TAFA2: variants seen among roughly 807,000 people sequenced by gnomAD.
TAFA2 encodes chemokine-like protein TAFA-2.
Under a neutral mutation model 18.8 loss-of-function variants are expected in TAFA2, and 7 were observed. That is an observed-to-expected ratio of 0.37 (90% CI 0.21 to 0.70). TAFA2 has a LOEUF of 0.70. Among genes scored for constraint, TAFA2 ranks in the 30% least tolerant of loss-of-function variants. The pLI, the probability that TAFA2 is intolerant of heterozygous loss-of-function variation, is 0.53. For synonymous variants in TAFA2, 60 were observed against 54.2 expected (o/e 1.11, Z -0.47); for missense variants, 122 against 158.1 (o/e 0.77, Z 1.23).
chr12:62,218,498 A>G (rs2136977173), intron 1 of TAFA2, among the ~76,000 whole-genome samples: 1 of 152,348 alleles, frequency 6.6e-6, no homozygotes, highest in African/African-American at 2.4e-5. Context: ...TTTGCTATTC[A>G]GCAAAGAAAA....
chr12:62,251,407 G>A (rs2062913195), intron 1 of TAFA2, among the ~76,000 whole-genome samples: 1 of 152,114 alleles, frequency 6.6e-6, no homozygotes, highest in African/African-American at 2.4e-5. Flanking sequence ...GAAATAGAGA[G>A]TTTAGAAATA....
intron 2 of TAFA2, among the ~76,000 whole-genome samples, chr12:61,760,336 G>A (rs1328516369): frequency 9.1e-6 from 1 of 110,240 alleles, no homozygotes; most frequent in African/African-American, 3.4e-5. Context: ...AAACTTTGAA[G>A]GCATTGGCAT....
In TAFA2 at chr12:61,737,588, TA is replaced by T. The variant is rs539404908; in HGVS notation, c.384+16033del. 3.3e-3 allele frequency among the ~76,000 whole-genome samples: 477 copies of T among 144,846 alleles called. 4 individuals carry two copies. The highest frequency in any genetic ancestry group is 9.4e-3 in the African/African-American group (375 of 39,936). ...TAATTGTGTGGCCCTGTTATTTCAC[TA>T]AAAAAAAAAACTTAGTTTCCTTACC... On this transcript the variant is annotated intron_variant, in intron 4 of 4. Coordinates refer to ENST00000416284, the MANE Select transcript of TAFA2 (RefSeq NM_178539.5).
intron 1 of TAFA2, among the ~76,000 whole-genome samples, chr12:62,247,239 T>C (rs1158205314): frequency 6.6e-6 from 1 of 152,230 alleles, no homozygotes; most frequent in Non-Finnish European, 1.5e-5. Context: ...CTGATACTTC[T>C]ATCTTATGTA....
intron 4 of TAFA2, among the ~76,000 whole-genome samples, chr12:61,733,007 T>C (rs1451072548): frequency 2.0e-5 from 3 of 152,014 alleles, no homozygotes; most frequent in African/African-American, 7.2e-5. Flanking sequence ...CAAGAGAAAT[T>C]GAGCTCAGTC....
At chr12:62,178,226 A>G (rs1449314216) in intron 1 of TAFA2, among the ~76,000 whole-genome samples, 1 of 152,128 alleles carries the variant, frequency 6.6e-6, no homozygotes, top group Non-Finnish European at 1.5e-5. Flanking sequence ...CTTGAGCCCG[A>G]GAGATCGAGG....
chr12:62,215,282 C>G (rs2062729715), intron 1 of TAFA2, among the ~76,000 whole-genome samples: 1 of 152,146 alleles, frequency 6.6e-6, no homozygotes, highest in Non-Finnish European at 1.5e-5. Context: ...TCACCAAAAG[C>G]AGCCCTGTGT....
chr12:62,047,286 C>T (rs1011820608), intron 1 of TAFA2, among the ~76,000 whole-genome samples: 2 of 152,038 alleles, frequency 1.3e-5, no homozygotes, highest in East Asian at 3.9e-4. Flanking sequence ...GGAGTTTAGG[C>T]CCTCACTGAT....
chr12:62,152,028 G>A (rs1442136003), intron 1 of TAFA2, among the ~76,000 whole-genome samples: 1 of 152,136 alleles, frequency 6.6e-6, no homozygotes, highest in African/African-American at 2.4e-5. Context: ...TTGATTTAGT[G>A]TATTCCTCTG....
At position 61,710,292 on chromosome 12, in the gene TAFA2, G is replaced by T; in HGVS notation, c.*114C>A. 2.2e-6 allele frequency: 2 copies of T among 920,072 alleles called. No homozygotes were observed. Among genetic ancestry groups the T allele is most frequent in the South Asian group, 2.8e-5 (2 of 72,208 alleles). The allele number at this position is 920,072 out of a possible 1,614,324, so 57.0% of individuals were successfully genotyped here. ...TGAAATCCCTTGGAAATAGACTATT[G>T]AGCGCCTCTTTCAAGTGGTATAAAA... On this transcript the variant is annotated 3_prime_UTR_variant, in exon 5 of 5. Transcript: ENST00000416284.
At chr12:61,742,831 C>A (rs1054541017) in intron 4 of TAFA2, among the ~76,000 whole-genome samples, 14 of 152,026 alleles carry the variant, frequency 9.2e-5, no homozygotes, top group South Asian at 4.1e-4. Context: ...CAATTAATTA[C>A]CAAGCCCTAT....
At chr12:62,136,919 A>T (rs1187938531) in intron 1 of TAFA2, among the ~76,000 whole-genome samples, 3 of 152,042 alleles carry the variant, frequency 2.0e-5, no homozygotes, top group Non-Finnish European at 4.4e-5. Flanking sequence ...TATGCACAGA[A>T]TTTTTCATAA....
At chr12:61,959,561 A>T (rs1399152193) in intron 1 of TAFA2, among the ~76,000 whole-genome samples, 4 of 152,030 alleles carry the variant, frequency 2.6e-5, no homozygotes. Context: ...TTCAATTATA[A>T]ATGTCTTAGA....
intron 2 of TAFA2, among the ~76,000 whole-genome samples, chr12:61,798,159 T>C (rs1871263327): frequency 6.6e-6 from 1 of 152,158 alleles, no homozygotes; most frequent in Admixed American, 6.5e-5. Context: ...TTATTCTTTT[T>C]TTTGGTTTAC....
At chr12:61,932,174 A>T (rs1296571430) in intron 1 of TAFA2, among the ~76,000 whole-genome samples, 1 of 152,196 alleles carries the variant, frequency 6.6e-6, no homozygotes, top group Non-Finnish European at 1.5e-5. Flanking sequence ...CAGATTTTAG[A>T]TTTTCCTATT....
At chr12:61,805,218 C>T (rs1310073187) in intron 2 of TAFA2, among the ~76,000 whole-genome samples, 5 of 151,670 alleles carry the variant, frequency 3.3e-5, no homozygotes, top group Non-Finnish European at 5.9e-5. Context: ...TGAAGAAATG[C>T]TTTCTAATAC....
chr12:62,156,644 C>T (rs1565763695), intron 1 of TAFA2, among the ~76,000 whole-genome samples: 1 of 152,086 alleles, frequency 6.6e-6, no homozygotes, highest in Non-Finnish European at 1.5e-5. Context: ...GAATTAACAG[C>T]ATTTGCAGCG....
intron 4 of TAFA2, among the ~76,000 whole-genome samples, chr12:61,748,294 T>G (rs1868831474): frequency 2.0e-5 from 3 of 152,110 alleles, no homozygotes; most frequent in Admixed American, 2.0e-4. Context: ...GTGAGTTGCA[T>G]TAAAATAATT....
At chr12:62,226,966 G>C (rs141995054) in intron 1 of TAFA2, among the ~76,000 whole-genome samples, 3 of 152,244 alleles carry the variant, frequency 2.0e-5, no homozygotes, top group African/African-American at 7.2e-5. Flanking sequence ...GGTCACCAAA[G>C]CCTTGGTAGT....
Sources: gnomAD v4.1 joint callset for allele counts (sites outside exome capture counted in the v4.1 genomes callset) on GRCh38, gnomAD v4.1.1 for gene constraint, MANE v1.5 for transcripts, NCBI Gene and HGNC (gene_info 2026-07-23, HGNC 2026-07-21) for gene names.